The following ZFHX3 variants were observed in gnomAD, a reference collection of about 807,000 sequenced individuals.
ZFHX3 encodes the protein zinc finger homeobox 3.
A neutral mutation model predicts 279.1 loss-of-function variants in ZFHX3; 42 were observed. The ratio of observed to expected loss-of-function variants is 0.15; its 90% CI spans 0.12 to 0.19. ZFHX3 has a LOEUF of 0.19. ZFHX3 is among the 10% of genes least tolerant of loss of function. The pLI is 1.00. For missense variants in ZFHX3, 4,981 were observed against 4,754.0 expected (o/e 1.05, Z -1.40); for synonymous variants, 2,293 against 1,957.8 (o/e 1.17, Z -4.52).
At chr16:73,172,140 G>C (rs1274379500) in intron 5 of ZFHX3, among the ~76,000 whole-genome samples, 14 of 152,196 alleles carry the variant, frequency 9.2e-5, no homozygotes, top group Non-Finnish European at 2.1e-4. Flanking sequence ...CCCTGAGGAG[G>C]AAAAGAGCAT....
At chr16:73,624,756 G>A (rs7202493) in intron 2 of ZFHX3, among the ~76,000 whole-genome samples, 108,824 of 152,016 alleles carry the variant, frequency 0.72, 39,494 homozygotes, top group Middle Eastern at 0.89. Context: ...CCAATTTTGC[G>A]GGAGGTCACC....
chr16:73,105,341 G>GTGTATA (rs572337087), intron 7 of ZFHX3, among the ~76,000 whole-genome samples: 71 of 109,654 alleles, frequency 6.5e-4, no homozygotes, highest in African/African-American at 2.3e-3. Flanking sequence ...ACACACGTGT[G>GTGTATA]TATATATATA....
intron 2 of ZFHX3, among the ~76,000 whole-genome samples, chr16:73,647,344 T>G (rs2052628747): frequency 6.6e-6 from 1 of 152,192 alleles, no homozygotes; most frequent in Non-Finnish European, 1.5e-5. Context: ...CCAAATCTCA[T>G]GGCAGATTGG....
At chr16:72,875,553 G>C (rs2038287375) in intron 4 of ZFHX3, among the ~76,000 whole-genome samples, 1 of 152,242 alleles carries the variant, frequency 6.6e-6, no homozygotes, top group Non-Finnish European at 1.5e-5. Context: ...CAGGGAACTG[G>C]AGTTGCAGCT....
intron 1 of ZFHX3, among the ~76,000 whole-genome samples, chr16:73,851,702 C>T (rs558524437): frequency 4.6e-5 from 7 of 152,254 alleles, no homozygotes; most frequent in African/African-American, 7.2e-5. Flanking sequence ...CTTCTAATAA[C>T]GAACCAATAC....
chr16:73,111,851 A>C (rs1597160862), intron 7 of ZFHX3, among the ~76,000 whole-genome samples: 1 of 152,206 alleles, frequency 6.6e-6, no homozygotes. Flanking sequence ...TGAAACTCCA[A>C]GAAGCATTTC....
chr16:73,628,867 T>C (rs2052442116), intron 2 of ZFHX3, among the ~76,000 whole-genome samples: 1 of 152,148 alleles, frequency 6.6e-6, no homozygotes, highest in Non-Finnish European at 1.5e-5. Context: ...TCAGGGGTGA[T>C]ATCCAACCAC....
At chr16:73,329,342 T>A (rs1414347424) in intron 3 of ZFHX3, among the ~76,000 whole-genome samples, 1 of 152,232 alleles carries the variant, frequency 6.6e-6, no homozygotes, top group African/African-American at 2.4e-5. Flanking sequence ...TCCTACCCTT[T>A]CCACCCTCTT....
chr16:73,866,452 C>T (rs1275916860), intron 1 of ZFHX3, among the ~76,000 whole-genome samples: 1 of 151,836 alleles, frequency 6.6e-6, no homozygotes, highest in Admixed American at 6.6e-5. Context: ...TATGAGCCAC[C>T]ACCCCCGGAA....
intron 1 of ZFHX3, among the ~76,000 whole-genome samples, chr16:73,006,729 A>G (rs760239150): frequency 4.0e-5 from 6 of 151,180 alleles, no homozygotes; most frequent in Non-Finnish European, 8.8e-5. Flanking sequence ...TCTCTCACAC[A>G]CATACACACA....
At position 72,794,278 on chromosome 16, in the gene ZFHX3, G is replaced by A; in HGVS notation, c.8404C>T (p.Pro2802Ser). Residue 2802 changes from proline (P) to serine (S), a missense_variant, in exon 9 of 10, where the codon CCT becomes TCT. By Grantham distance (74) the Pro-to-Ser change is moderately conservative (BLOSUM62 -1). Transcript: ENST00000268489. The surrounding 1 kb of genome is among the most constrained non-coding windows in gnomAD (Gnocchi z 4.2). ...MELSPRTLLS[P>S]SSIKVEGIED... ...ATCCCTTCCACCTTAATGGAGGAAGGGCTTAGAAGAGTTCTGGGTGACAAT... is the reference window on the plus strand; with the variant it reads ...ATCCCTTCCACCTTAATGGAGGAAGAGCTTAGAAGAGTTCTGGGTGACAAT... The A allele has an allele frequency of 6.2e-7, 1 of 1,613,724 alleles. No homozygotes were observed. The highest frequency in any genetic ancestry group is 8.5e-7 in the Non-Finnish European group (1 of 1,179,792).
chr16:73,573,545 A>G (rs893155634), intron 2 of ZFHX3, among the ~76,000 whole-genome samples: 1 of 152,258 alleles, frequency 6.6e-6, no homozygotes, highest in African/African-American at 2.4e-5. Flanking sequence ...CTGTAGTTGC[A>G]TTGGACTCAA....
At chr16:73,695,582 G>C (rs1028439331) in intron 1 of ZFHX3, among the ~76,000 whole-genome samples, 1 of 152,192 alleles carries the variant, frequency 6.6e-6, no homozygotes, top group African/African-American at 2.4e-5. Flanking sequence ...AAAAGGAAAA[G>C]AACAGGGAGA....
In ZFHX3 at chr16:73,417,056, C is replaced by A. The variant is rs909711026; in HGVS notation, c.-1291+38947G>T. 5.3e-5 allele frequency among the ~76,000 whole-genome samples: 8 copies of A among 151,980 alleles called. 1 individual carries two copies. Among genetic ancestry groups the A allele is most frequent in the African/African-American group, 1.7e-4 (7 of 41,310 alleles). ...TATAAGCCAAACTGACATCACGCAC[C>A]CCGCATATAATACCCTGAGAAGGGC... On this transcript the variant is annotated intron_variant, in intron 3 of 17. Coordinates refer to the ZFHX3 transcript ENST00000641206.
intron 4 of ZFHX3, among the ~76,000 whole-genome samples, chr16:72,882,166 T>C (rs935828948): frequency 2.9e-5 from 3 of 103,160 alleles, no homozygotes; most frequent in African/African-American, 1.2e-4. Context: ...CAGGTACCCC[T>C]TTTTCCTTTT....
At chr16:73,269,805 G>C (rs2014090708) in intron 4 of ZFHX3, among the ~76,000 whole-genome samples, 4 of 151,768 alleles carry the variant, frequency 2.6e-5, no homozygotes, top group Admixed American at 2.6e-4. Context: ...CTGGAGTGCG[G>C]TGGCGTGATC....
Position 72,783,849 on chromosome 16 carries a change from A to AAAC in ZFHX3, c.*3312_*3314dup, listed in dbSNP as rs1276684332. 2 of 152,238 alleles carry AAAC rather than the reference A, an allele frequency of 1.3e-5. No homozygotes were observed. The highest frequency in any genetic ancestry group is 1.3e-4 in the Admixed American group (2 of 15,286). 9.4% of individuals were successfully genotyped at this position (152,238 alleles called of 1,614,324 possible). On this transcript the variant is annotated 3_prime_UTR_variant, in exon 10 of 10. Coordinates refer to ENST00000268489, the MANE Select transcript of ZFHX3 (RefSeq NM_006885.4). ...TAAATTCCCCAAGTGAGATAAAGCT[A>AAAC]AACAAACAGTTGAGCATTGTAGTGA... is the stretch of plus-strand genomic sequence containing the variant.
intron 3 of ZFHX3, among the ~76,000 whole-genome samples, chr16:72,946,617 C>T (rs1329120478): frequency 6.6e-6 from 1 of 152,166 alleles, no homozygotes; most frequent in East Asian, 1.9e-4. Context: ...GAGAGCTCAC[C>T]ATGGACGTCA....
chr16:73,860,577 C>A (rs17390992), intron 1 of ZFHX3, among the ~76,000 whole-genome samples: 1 of 152,172 alleles, frequency 6.6e-6, no homozygotes, highest in Admixed American at 6.5e-5. Flanking sequence ...TTGTCTACTA[C>A]GCCAATTCTC....
Sources: allele counts gnomAD v4.1 joint callset (sites outside exome capture counted in the v4.1 genomes callset), GRCh38; gene constraint gnomAD v4.1.1; non-coding constraint Gnocchi (gnomAD v3.1); transcripts MANE v1.5; gene names NCBI Gene and HGNC (gene_info 2026-07-23, HGNC 2026-07-21).